The following HOMER2 variants were observed in gnomAD, a reference collection of about 807,000 sequenced individuals.
HOMER2 encodes the protein homer protein homolog 2.
In HOMER2, 27 loss-of-function variants were observed where a neutral mutation model predicts 47.0. That is an observed-to-expected ratio of 0.57 (90% CI 0.42 to 0.79). The LOEUF (loss-of-function observed/expected upper bound fraction) is 0.79. HOMER2 is among the 30% of genes least tolerant of loss of function. The probability of loss-of-function intolerance (pLI) is 0.00; values close to 1 mark genes in which losing one functional copy is unlikely to be tolerated. For missense variants in HOMER2, 443 were observed against 435.0 expected (o/e 1.02, Z -0.16); for synonymous variants, 161 against 163.8 (o/e 0.98, Z 0.13).
chr15:82,849,663 G>T lies in HOMER2; in HGVS notation c.*52C>A. The T allele has an allele frequency of 6.6e-7, 1 of 1,511,598 alleles. No individual in the cohort carries two copies. The allele number at this position is 1,511,598 out of a possible 1,614,324, so 93.6% of individuals were successfully genotyped here. The stretch of plus-strand genomic sequence containing the variant: ...CAGAAGAACGTCCTAGAGCTATCTG[G>T]TCTCGCACACACGCTTGGGACTCAC... On this transcript the variant is annotated 3_prime_UTR_variant, in exon 9 of 9. Coordinates refer to ENST00000450735, the MANE Select transcript of HOMER2 (RefSeq NM_004839.4).
chr15:82,945,927 A>C (rs941504188), intron 1 of HOMER2, among the ~76,000 whole-genome samples: 2 of 151,904 alleles, frequency 1.3e-5, no homozygotes, highest in Non-Finnish European at 2.9e-5. Flanking sequence ...CCGAAATCGC[A>C]CCACTGCACT....
intron 2 of HOMER2, among the ~76,000 whole-genome samples, chr15:82,882,816 A>C (rs2052566777): frequency 6.6e-6 from 1 of 151,422 alleles, no homozygotes; most frequent in Non-Finnish European, 1.5e-5. Flanking sequence ...CACAGTTTAC[A>C]CAGAAGCTGA....
Position 82,849,495 on chromosome 15 carries a change from T to G in HOMER2, c.*220A>C, listed in dbSNP as rs1387791110. The G allele has an allele frequency of 1.8e-6, 1 of 562,262 alleles. No individual in the cohort carries two copies. Among genetic ancestry groups the G allele is most frequent in the African/African-American group, 1.9e-5 (1 of 53,388 alleles). The allele number at this position is 562,262 out of a possible 1,614,324, so 34.8% of individuals were successfully genotyped here. ...GAAGGTAGACCTAGTTCTGGATTCC[T>G]GAGTCAGAATCTTCCAGTTGTCCAC... On this transcript the variant is annotated 3_prime_UTR_variant, in exon 9 of 9. Transcript: ENST00000450735.
intron 1 of HOMER2, among the ~76,000 whole-genome samples, chr15:82,971,108 G>GCA (rs1269433542): frequency 5.3e-5 from 8 of 152,166 alleles, no homozygotes; most frequent in African/African-American, 1.9e-4. Context: ...TAATACACGG[G>GCA]CACCTGTTTA....
At chr15:82,845,260 A>G (rs56152352), downstream of HOMER2, 1,912 of 144,682 alleles carry the variant, frequency 0.013, 18 homozygotes, top group Non-Finnish European at 0.021. Context: ...ACACACACAC[A>G]CGCGTGCGCA....
chr15:82,865,351 T>A (rs1596310641), intron 3 of HOMER2, among the ~76,000 whole-genome samples: 2 of 152,230 alleles, frequency 1.3e-5, no homozygotes, highest in African/African-American at 4.8e-5. Context: ...AACTCCTTTG[T>A]GGCAGGGTCC....
Position 82,854,656 on chromosome 15 carries a change from C to T in HOMER2, c.639G>A (p.Arg213=). The change falls in exon 6 of 9, where the codon CGG becomes CGA. Residue 213 remains arginine (R), a synonymous_variant. Transcript: ENST00000450735. ...QFSICRDEND[R]LRNKIDELEE... ...CCACCGTACCCACCTTGTTGCGGAG[C>T]CGGTCATTCTCATCACGGCAGATGG... The T allele has an allele frequency of 6.2e-7, 1 of 1,612,398 alleles. No homozygotes were observed.
chr15:82,849,792 G>A lies in HOMER2; in HGVS notation c.955C>T (p.Leu319=), dbSNP rs1025789166. ...TCAATCTTCCCGTCCAGCACCTCCA[G>A]GAAGCTCTTCAACTCCACCTTCAGG... ...RHLKVELKSF[L]EVLDGKIDDL... is the part of the protein sequence containing the mutation. Residue 319 remains leucine (L), a synonymous_variant, in exon 9 of 9, where the codon CTG becomes TTG. Transcript: ENST00000450735. The A allele has an allele frequency of 1.9e-6, 3 of 1,613,854 alleles. No homozygotes were observed. Among genetic ancestry groups the A allele is most frequent in the Non-Finnish European group, 2.5e-6 (3 of 1,179,894 alleles).
At chr15:82,894,294 A>G (rs1001271503) in intron 1 of HOMER2, among the ~76,000 whole-genome samples, 3 of 152,232 alleles carry the variant, frequency 2.0e-5, no homozygotes, top group Admixed American at 6.5e-5. Context: ...CTACTTCCCA[A>G]AGTAATGCAA....
At chr15:82,850,524 A>T (rs1458369201) in intron 8 of HOMER2, among the ~76,000 whole-genome samples, 6 of 152,266 alleles carry the variant, frequency 3.9e-5, no homozygotes, top group Non-Finnish European at 8.8e-5. Context: ...AAGACAGGAC[A>T]GCTGTGAGTC....
chr15:82,881,447 G>C lies in HOMER2; in HGVS notation c.163-6043C>G, dbSNP rs549352014. Among the ~76,000 whole-genome samples the C allele has an allele frequency of 3.9e-5, 6 of 152,298 alleles. No homozygotes were observed. The South Asian group carries it at 1.0e-3, about 26-fold the overall frequency. ...CATAAGAGGCTGTGACTGAGTTACA[G>C]CAATAAAAAGACATGTTGCCTGCTC... On this transcript the variant is annotated intron_variant, in intron 2 of 8. Transcript: ENST00000450735.
chr15:82,940,169 T>C (rs904126151), intron 1 of HOMER2, among the ~76,000 whole-genome samples: 3 of 151,928 alleles, frequency 2.0e-5, no homozygotes, highest in Non-Finnish European at 4.4e-5. Context: ...TATACATATG[T>C]AACAAAGCTG....
chr15:82,942,583 C>G (rs2054288170), intron 1 of HOMER2, among the ~76,000 whole-genome samples: 1 of 152,202 alleles, frequency 6.6e-6, no homozygotes, highest in African/African-American at 2.4e-5. Context: ...ATGCCTGACA[C>G]AGGTAGGTCA....
intron 4 of HOMER2, among the ~76,000 whole-genome samples, chr15:82,859,740 G>A (rs1409367562): frequency 6.6e-6 from 1 of 152,106 alleles, no homozygotes; most frequent in Non-Finnish European, 1.5e-5. Flanking sequence ...ACCACGTAGA[G>A]GTGAAATCTC....
intron 1 of HOMER2, among the ~76,000 whole-genome samples, chr15:82,965,706 A>T (rs1013453344): frequency 7.9e-5 from 12 of 151,752 alleles, no homozygotes; most frequent in African/African-American, 2.9e-4. Flanking sequence ...AAAGGCACAC[A>T]TTGGGCTATT....
chr15:82,942,134 A>G (rs2054279624), intron 1 of HOMER2, among the ~76,000 whole-genome samples: 1 of 152,168 alleles, frequency 6.6e-6, no homozygotes, highest in Non-Finnish European at 1.5e-5. Flanking sequence ...AGCCTTCTCT[A>G]ACTTCGTACA....
At chr15:82,874,853 T>C (rs1256451) in intron 3 of HOMER2, among the ~76,000 whole-genome samples, 125,702 of 152,218 alleles carry the variant, frequency 0.83, 52,233 homozygotes, top group African/African-American at 0.92. Context: ...CCTTGGAAGT[T>C]CTATAGTAAC....
At chr15:82,906,501 C>T (rs1484159711) in intron 1 of HOMER2, among the ~76,000 whole-genome samples, 6 of 150,820 alleles carry the variant, frequency 4.0e-5, no homozygotes, top group African/African-American at 9.8e-5. Context: ...GGCTCAATCT[C>T]GGCTCACTGC....
downstream of HOMER2, chr15:82,844,068 G>T (rs2051206993): frequency 1.3e-5 from 2 of 152,262 alleles, no homozygotes; most frequent in East Asian, 3.8e-4. Context: ...ATCAGCATTT[G>T]CTGAGGGAAG....
Sources: allele counts gnomAD v4.1 joint callset (sites outside exome capture counted in the v4.1 genomes callset), GRCh38; gene constraint gnomAD v4.1.1; transcripts MANE v1.5; gene names NCBI Gene and HGNC (gene_info 2026-07-23, HGNC 2026-07-21).